The following YIPF4 variants were observed in gnomAD, a reference collection of about 807,000 sequenced individuals.
YIPF4 encodes the protein protein YIPF4.
In YIPF4, 18 loss-of-function variants were observed where a neutral mutation model predicts 29.4. The ratio of observed to expected loss-of-function variants is 0.61; its 90% CI spans 0.42 to 0.91. The LOEUF (loss-of-function observed/expected upper bound fraction) is 0.91. Ranked by LOEUF, YIPF4 falls within the 40% of genes least tolerant of loss-of-function variation. The pLI is 0.00. For synonymous variants in YIPF4, 115 were observed against 104.7 expected, an observed-to-expected ratio of 1.10 and a Z score of -0.60; for missense variants, 279 against 282.7, an observed-to-expected ratio of 0.99 and a Z score of 0.09.
At chr2:32,281,035 G>A (rs1048443961) in intron 1 of YIPF4, among the ~76,000 whole-genome samples, 1 of 152,028 alleles carries the variant, frequency 6.6e-6, no homozygotes, top group South Asian at 2.1e-4. Flanking sequence ...AATAATGTAA[G>A]TAGATAACCC....
intron 2 of YIPF4, 35 bp from the exon 3 acceptor site, chr2:32,292,142 T>G (rs1409127228): frequency 1.5e-6 from 2 of 1,339,328 alleles, no homozygotes; most frequent in South Asian, 3.8e-5. Context: ...TTCAGAAATG[T>G]GTGCCTTTTG....
intron 1 of YIPF4, among the ~76,000 whole-genome samples, chr2:32,282,279 A>G (rs1186927517): frequency 6.6e-6 from 1 of 152,094 alleles, no homozygotes; most frequent in South Asian, 2.1e-4. Context: ...AAACAAAACC[A>G]AAGAGCTATT....
rs760963732 is a variant in YIPF4 at position 32,290,657 on chromosome 2, A to G, written c.233+21A>G. On this transcript the variant is annotated intron_variant, in intron 2 of 5. Coordinates refer to ENST00000238831, the MANE Select transcript of YIPF4 (RefSeq NM_032312.4). The stretch of plus-strand genomic sequence containing the variant: ...CTCTTGTATGTAAAAATAATAATAT[A>G]TATTTTTTGTTTTTTGAGCTAGTCT... 94 of 1,390,278 alleles carry G rather than the reference A, an allele frequency of 6.8e-5. 1 individual carries two copies. The highest frequency in any genetic ancestry group is 4.3e-4 in the Middle Eastern group (2 of 4,622). The allele number at this position is 1,390,278 out of a possible 1,614,324, so 86.1% of individuals were successfully genotyped here. A position where few individuals can be genotyped will look rare whatever the true frequency, so the allele number is the denominator to read the frequency against.
At position 32,278,081 on chromosome 2, in the gene YIPF4, C is replaced by T; in HGVS notation, c.-75C>T. ...CGCACCGTAGGGCGAGCGTGCGGGT[C>T]GCCGCCGCGGCCGCCTCGGGGTCTG... is the stretch of plus-strand genomic sequence containing the variant. On this transcript the variant is annotated 5_prime_UTR_variant, in exon 1 of 6. Transcript: ENST00000238831. 2 of 1,346,448 alleles carry T rather than the reference C, an allele frequency of 1.5e-6. No individual in the cohort carries two copies. Among genetic ancestry groups the T allele is most frequent in the Non-Finnish European group, 2.0e-6 (2 of 993,712 alleles). 83.4% of individuals were successfully genotyped at this position (1,346,448 alleles called of 1,614,324 possible). A position where few individuals can be genotyped will look rare whatever the true frequency, so the allele number is the denominator to read the frequency against.
At position 32,278,227 on chromosome 2, in the gene YIPF4, C is replaced by T; in HGVS notation, c.72C>T (p.Asp24=). The part of the protein sequence containing the change: ...NGDFTFVSSA[D]AEDLSGSIAS... ...ACTTCACCTTTGTCTCCTCAGCAGA[C>T]GCGGAAGGTGAGGCTGAGCCCCTGG... The change falls in exon 1 of 6, where the codon GAC becomes GAT. Residue 24 remains aspartate, a synonymous_variant. Coordinates refer to ENST00000238831, the MANE Select transcript of YIPF4 (RefSeq NM_032312.4). The T allele has an allele frequency of 6.4e-7, 1 of 1,563,790 alleles. No individual in the cohort carries two copies. The highest frequency in any genetic ancestry group is 8.7e-7 in the Non-Finnish European group (1 of 1,154,620).
intron 1 of YIPF4, among the ~76,000 whole-genome samples, chr2:32,288,039 T>G (rs1227923007): frequency 6.6e-6 from 1 of 152,188 alleles, no homozygotes; most frequent in Non-Finnish European, 1.5e-5. Context: ...CCTGGAGTAA[T>G]TTTTAATTGT....
At chr2:32,296,345 G>T (rs2031180470) in intron 3 of YIPF4, among the ~76,000 whole-genome samples, 2 of 151,900 alleles carry the variant, frequency 1.3e-5, no homozygotes, top group Admixed American at 6.6e-5. Flanking sequence ...GGTAGCAGGT[G>T]CCTGTAATCC....
intron 1 of YIPF4, among the ~76,000 whole-genome samples, chr2:32,285,113 C>T (rs2030610572): frequency 6.6e-6 from 1 of 152,036 alleles, no homozygotes; most frequent in Admixed American, 6.6e-5. Context: ...CATGAGCTTG[C>T]TACTGGTGGT....
At position 32,283,257 on chromosome 2, in the gene YIPF4, G is replaced by A. The variant is rs545132938; in HGVS notation, c.79+5023G>A. On this transcript the variant is annotated intron_variant, in intron 1 of 5. Transcript: ENST00000238831. ...TGTTTTCCAACATGAACATTTTACT[G>A]TACAACTCCGGGTCTTTTCCCTGGT... is the stretch of plus-strand genomic sequence containing the variant. Among the ~76,000 whole-genome samples, 4 of 151,972 alleles carry A rather than the reference G, an allele frequency of 2.6e-5. No individual in the cohort carries two copies. The East Asian group carries it at 7.7e-4, about 29-fold the overall frequency.
chr2:32,280,708 A>T (rs1206004654), intron 1 of YIPF4, among the ~76,000 whole-genome samples: 1 of 151,626 alleles, frequency 6.6e-6, no homozygotes, highest in Non-Finnish European at 1.5e-5. Flanking sequence ...TGTAGATCTC[A>T]CTAGGTTGCC....
Position 32,302,808 on chromosome 2 carries a change from G to A in YIPF4, c.597+1313G>A, listed in dbSNP as rs182169002. 2.6e-5 allele frequency among the ~76,000 whole-genome samples: 4 copies of A among 152,192 alleles called. No individual in the cohort carries two copies. The East Asian group carries it at 7.7e-4, about 29-fold the overall frequency. ...TGAAAGTATTTGTTTTTAAGTAGCTGAGCCACTTGAAATTATTACTAATTT... is the reference window on the plus strand; with the variant it reads ...TGAAAGTATTTGTTTTTAAGTAGCTAAGCCACTTGAAATTATTACTAATTT... On this transcript the variant is annotated intron_variant, in intron 5 of 5. Coordinates refer to ENST00000238831, the MANE Select transcript of YIPF4 (RefSeq NM_032312.4).
chr2:32,301,701 G>GA (rs1035819464), intron 5 of YIPF4, among the ~76,000 whole-genome samples: 24 of 151,982 alleles, frequency 1.6e-4, no homozygotes, highest in Admixed American at 9.2e-4. Flanking sequence ...TTGTCTGGGG[G>GA]AAAAAACAAA....
In YIPF4 at chr2:32,305,470, T is replaced by A; in HGVS notation, c.598-19T>A. On this transcript the variant is annotated intron_variant, in intron 5 of 5. Coordinates refer to ENST00000238831, the MANE Select transcript of YIPF4 (RefSeq NM_032312.4). ...ACTTGCTAATATGCTGCCTTTTGTC[T>A]TTTTTCCTTTTTTTAAAGCTGTTTG... 1 of 1,493,436 alleles carries A rather than the reference T, an allele frequency of 6.7e-7. No homozygotes were observed. The highest frequency in any genetic ancestry group is 8.9e-7 in the Non-Finnish European group (1 of 1,123,452). 92.5% of individuals were successfully genotyped at this position (1,493,436 alleles called of 1,614,324 possible).
In YIPF4 at chr2:32,292,354, T is replaced by C; in HGVS notation, c.405+6T>C. On this transcript the variant is annotated splice_donor_region_variant and intron_variant, in intron 3 of 5. Transcript: ENST00000238831. ...CATTATATGGACAGTTTAGGGTAAGTATATCTTATTTTATACAAATTCTAA... is the reference window on the plus strand; with the variant it reads ...CATTATATGGACAGTTTAGGGTAAGCATATCTTATTTTATACAAATTCTAA... 6.6e-7 allele frequency: 1 copy of C among 1,508,270 alleles called. No homozygotes were observed. The highest frequency in any genetic ancestry group is 8.9e-7 in the Non-Finnish European group (1 of 1,129,214). 93.4% of individuals were successfully genotyped at this position (1,508,270 alleles called of 1,614,324 possible). A position where few individuals can be genotyped will look rare whatever the true frequency, so the allele number is the denominator to read the frequency against.
intron 1 of YIPF4, among the ~76,000 whole-genome samples, chr2:32,288,765 G>GC (rs2030788917): frequency 6.6e-6 from 1 of 152,024 alleles, no homozygotes; most frequent in Non-Finnish European, 1.5e-5. Context: ...AGCCGAGATT[G>GC]CCCCACTGCA....
intron 1 of YIPF4, among the ~76,000 whole-genome samples, chr2:32,286,924 C>T (rs1206019954): frequency 6.6e-6 from 1 of 152,170 alleles, no homozygotes; most frequent in African/African-American, 2.4e-5. Flanking sequence ...TTCTTGATCT[C>T]TTTCATAGGC....
rs1238891261 is a variant in YIPF4, at chr2:32,309,475, A to C, written c.*3849A>C. 1 of 152,238 alleles carries C rather than the reference A, an allele frequency of 6.6e-6. No homozygotes were observed. The highest frequency in any genetic ancestry group is 1.5e-5 in the Non-Finnish European group (1 of 68,056). 9.4% of individuals were successfully genotyped at this position (152,238 alleles called of 1,614,324 possible). On this transcript the variant is annotated 3_prime_UTR_variant, in exon 6 of 6. Transcript: ENST00000238831. ...AATTAGTGAAAATTTGCATTGAATT[A>C]AAATGTGAAGTAAATATTTTTGTTT... is the stretch of plus-strand genomic sequence containing the variant.
chr2:32,301,379 C>T lies in YIPF4; in HGVS notation c.484-3C>T. ...ATTTATTTGAAATTTTCAAAATTCA[C>T]AGGTTGCATATGGCCAAGTCCTTGG... On this transcript the variant is annotated splice_region_variant and splice_polypyrimidine_tract_variant and intron_variant, in intron 4 of 5. Coordinates refer to ENST00000238831, the MANE Select transcript of YIPF4 (RefSeq NM_032312.4). 1 of 1,575,680 alleles carries T rather than the reference C, an allele frequency of 6.3e-7. No individual in the cohort carries two copies. The highest frequency in any genetic ancestry group is 8.7e-7 in the Non-Finnish European group (1 of 1,155,670).
Position 32,278,037 on chromosome 2 carries a change from C to T in YIPF4, c.-119C>T, listed in dbSNP as rs1007416629. 1.6e-5 allele frequency: 13 copies of T among 824,784 alleles called. No individual in the cohort carries two copies. The highest frequency in any genetic ancestry group is 2.2e-5 in the Non-Finnish European group (12 of 547,500). The allele number at this position is 824,784 out of a possible 1,614,324, so 51.1% of individuals were successfully genotyped here. On this transcript the variant is annotated 5_prime_UTR_variant, in exon 1 of 6. Coordinates refer to ENST00000238831, the MANE Select transcript of YIPF4 (RefSeq NM_032312.4). ...CGTTTCTGGCCTCGCTCGCAGCTTG[C>T]ACGTCGAGACTCGTAGGCCGCACCG...
Sources: allele counts gnomAD v4.1 joint callset (sites outside exome capture counted in the v4.1 genomes callset), GRCh38; gene constraint gnomAD v4.1.1; transcripts MANE v1.5; gene names NCBI Gene and HGNC (gene_info 2026-07-23, HGNC 2026-07-21).